The following MCAM variants were observed in gnomAD, a reference collection of about 807,000 sequenced individuals.
MCAM encodes the protein cell surface glycoprotein MUC18.
In MCAM, 55 loss-of-function variants were observed where a neutral mutation model predicts 79.1. The observed-to-expected ratio is 0.70, with a 90% confidence interval of 0.56 to 0.87. MCAM has a LOEUF of 0.87. Ranked by LOEUF, MCAM falls within the 40% of genes least tolerant of loss-of-function variation. MCAM has a pLI of 0.00. For missense variants in MCAM, 745 were observed against 839.8 expected, an observed-to-expected ratio of 0.89 and a Z score of 1.40; for synonymous variants, 330 against 339.8, an observed-to-expected ratio of 0.97 and a Z score of 0.32.
In MCAM at chr11:119,309,829, A is replaced by G. The variant is rs1950200691; in HGVS notation, c.*57T>C. On this transcript the variant is annotated 3_prime_UTR_variant, in exon 16 of 16. Coordinates refer to ENST00000264036, the MANE Select transcript of MCAM (RefSeq NM_006500.3). ...CTTTGGAGGCTTTGGCTGAGAGAAGAGTGAGCAGGGAGCTGGGAATGGTCC... is the reference window on the plus strand; with the variant it reads ...CTTTGGAGGCTTTGGCTGAGAGAAGGGTGAGCAGGGAGCTGGGAATGGTCC... The G allele has an allele frequency of 2.5e-5, 38 of 1,529,902 alleles. 1 individual carries two copies. The South Asian group carries it at 3.8e-4, about 15-fold the overall frequency. 94.8% of individuals were successfully genotyped at this position (1,529,902 alleles called of 1,614,324 possible).
Position 119,315,218 on chromosome 11 carries a change from A to G in MCAM, c.113T>C (p.Val38Ala), listed in dbSNP as rs1591287976. The part of the protein sequence containing the change: ...AEQPAPELVE[V>A]EVGSTALLKC... The stretch of plus-strand genomic sequence containing the variant: ...CAGAAGGGCTGTGCTGCCCACTTCC[A>G]CCTCCACCAGCTCAGGCGCAGGCTG... Residue 38 changes from valine to alanine, a missense_variant, in exon 2 of 16, where the codon GTG (valine) becomes GCG (alanine). By Grantham distance (64) the Val-to-Ala change is moderately conservative. Transcript: ENST00000264036. The surrounding 1 kb of genome is among the most constrained non-coding windows in gnomAD (Gnocchi z 4.4). The G allele has an allele frequency of 6.2e-7, 1 of 1,612,264 alleles. No homozygotes were observed. The highest frequency in any genetic ancestry group is 1.1e-5 in the South Asian group (1 of 91,034).
Position 119,315,403 on chromosome 11 carries a change from C to T in MCAM, c.68-140G>A. The T allele has an allele frequency of 3.6e-6, 4 of 1,121,944 alleles. No homozygotes were observed. Among genetic ancestry groups the T allele is most frequent in the East Asian group, 2.6e-5 (1 of 38,430 alleles). The allele number at this position is 1,121,944 out of a possible 1,614,324, so 69.5% of individuals were successfully genotyped here. On this transcript the variant is annotated intron_variant, in intron 1 of 15. Transcript: ENST00000264036. The surrounding 1 kb of genome is among the most constrained non-coding windows in gnomAD (Gnocchi z 4.4). ...CCCTGTCCTCTGAACGCTCTACCCC[C>T]ACCCCGACCCGCGCCCCACCTGGGC...
At position 119,316,726 on chromosome 11, in the gene MCAM, A is replaced by T. The variant is rs1298512728; in HGVS notation, c.67+309T>A. 2 of 335,502 alleles carry T rather than the reference A, an allele frequency of 6.0e-6. No homozygotes were observed. The highest frequency in any genetic ancestry group is 4.3e-5 in the African/African-American group (2 of 46,238). The allele number at this position is 335,502 out of a possible 1,614,324, so 20.8% of individuals were successfully genotyped here. ...CCCGGCTTCAATTGCGGGCCCCCAG[A>T]GTGAGCACCTCAGGGACCACCCACC... is the stretch of plus-strand genomic sequence containing the variant. On this transcript the variant is annotated intron_variant, in intron 1 of 15. Coordinates refer to ENST00000264036, the MANE Select transcript of MCAM (RefSeq NM_006500.3). This position sits in a 1 kb window ranked among gnomAD's most constrained non-coding sequence, Gnocchi z 4.8.
chr11:119,312,434 G>T lies in MCAM; in HGVS notation c.862-6C>A. ...GCCTCCCTGGTGCTGGGGTTCTAGG[G>T]AGGATTGGGGAGGTGAGCAGAGTGC... On this transcript the variant is annotated splice_polypyrimidine_tract_variant and splice_region_variant and intron_variant, in intron 7 of 15. Transcript: ENST00000264036. The surrounding 1 kb of genome is among the most constrained non-coding windows in gnomAD (Gnocchi z 4.9). 1.2e-6 allele frequency: 2 copies of T among 1,613,508 alleles called. No homozygotes were observed. The highest frequency in any genetic ancestry group is 2.2e-5 in the South Asian group (2 of 91,052).
chr11:119,314,168 T>G, intron 5 of MCAM: 1 of 493,192 alleles, frequency 2.0e-6, no homozygotes, highest in Non-Finnish European at 3.1e-6. Context: ...GGACAGCTCT[T>G]TTTAAGAGAT....
chr11:119,310,523 G>A, intron 14 of MCAM, 57 bp from the exon 15 acceptor site: 1 of 1,231,728 alleles, frequency 8.1e-7, no homozygotes, highest in Non-Finnish European at 1.2e-6. Context: ...GAAGAGAAGG[G>A]CCCGCTGTGA....
Position 119,314,847 on chromosome 11 carries a change from T to C in MCAM, c.386A>G (p.Gln129Arg). The C allele has an allele frequency of 6.2e-7, 1 of 1,613,712 alleles. No homozygotes were observed. Among genetic ancestry groups the C allele is most frequent in the South Asian group, 1.1e-5 (1 of 91,092 alleles). The change falls in exon 3 of 16, where the codon CAG (glutamine) becomes CGG (arginine). Residue 129 changes from glutamine (Q) to arginine (R), a missense_variant. By Grantham distance (43) the Gln-to-Arg change is conservative. Transcript: ENST00000264036. ...KRPRSQEYRI[Q>R]LRVYKAPEEP... ...GGGTCACGCACTGTAGACGCGGAGC[T>C]GGATGCGGTACTCCTGGGACCGAGG...
Position 119,315,333 on chromosome 11 carries a change from G to T in MCAM, c.68-70C>A. On this transcript the variant is annotated intron_variant, in intron 1 of 15. Coordinates refer to ENST00000264036, the MANE Select transcript of MCAM (RefSeq NM_006500.3). The surrounding 1 kb of genome is among the most constrained non-coding windows in gnomAD (Gnocchi z 4.4). ...TGCTGTCCGCCCCTCCCCTCGCAGCGCTGCTGCAGCTGTTTTTCCTGCCAC... is the reference window on the plus strand; with the variant it reads ...TGCTGTCCGCCCCTCCCCTCGCAGCTCTGCTGCAGCTGTTTTTCCTGCCAC... 6.6e-7 allele frequency: 1 copy of T among 1,522,194 alleles called. No individual in the cohort carries two copies. Among genetic ancestry groups the T allele is most frequent in the East Asian group, 2.4e-5 (1 of 41,096 alleles). 94.3% of individuals were successfully genotyped at this position (1,522,194 alleles called of 1,614,324 possible). A position where few individuals can be genotyped will look rare whatever the true frequency, so the allele number is the denominator to read the frequency against.
rs767744036 is a variant in MCAM at position 119,314,840 on chromosome 11, G to C, written c.393C>G (p.Arg131=). Residue 131 remains arginine (R), a synonymous_variant, in exon 3 of 16, where the codon CGC becomes CGG. Coordinates refer to ENST00000264036, the MANE Select transcript of MCAM (RefSeq NM_006500.3). ...PRSQEYRIQL[R]VYKAPEEPNI... ...AGACACAGGGTCACGCACTGTAGACGCGGAGCTGGATGCGGTACTCCTGGG... is the reference window on the plus strand; with the variant it reads ...AGACACAGGGTCACGCACTGTAGACCCGGAGCTGGATGCGGTACTCCTGGG... 10 of 1,613,700 alleles carry C rather than the reference G, an allele frequency of 6.2e-6. No homozygotes were observed. Among genetic ancestry groups the C allele is most frequent in the Non-Finnish European group, 8.5e-6 (10 of 1,180,012 alleles).
At chr11:119,313,191 T>A (rs1316114814) in intron 5 of MCAM, 12 of 1,480,696 alleles carry the variant, frequency 8.1e-6, no homozygotes, top group Non-Finnish European at 1.1e-5. Context: ...GCTGCAATGA[T>A]AAAAACGAGC....
Position 119,311,613 on chromosome 11 carries a change from C to G in MCAM, c.1324G>C (p.Val442Leu), listed in dbSNP as rs1012116958. ...WMAFKERKVW[V>L]KENMVLNLSC... ...AGATTCAACACCATATTCTCTTTCA[C>G]CCACACCTTCCTCTCCTTGAATGCC... The change falls in exon 11 of 16, where the codon GTG (valine) becomes CTG (leucine). Residue 442 changes from valine to leucine, a missense_variant. Transcript: ENST00000264036. The surrounding 1 kb of genome is among the most constrained non-coding windows in gnomAD (Gnocchi z 4.4). 1.2e-6 allele frequency: 2 copies of G among 1,614,168 alleles called. No individual in the cohort carries two copies. The highest frequency in any genetic ancestry group is 3.3e-5 in the Admixed American group (2 of 60,026).
In MCAM at chr11:119,314,817, A is replaced by G. The variant is rs1950286123; in HGVS notation, c.400+16T>C. ...ACCACCCTCACTACCCTGCTGGCAGACACAGGGTCACGCACTGTAGACGCG... is the reference window on the plus strand; with the variant it reads ...ACCACCCTCACTACCCTGCTGGCAGGCACAGGGTCACGCACTGTAGACGCG... On this transcript the variant is annotated intron_variant, in intron 3 of 15. Transcript: ENST00000264036. The G allele has an allele frequency of 6.2e-7, 1 of 1,613,276 alleles. No individual in the cohort carries two copies. The highest frequency in any genetic ancestry group is 1.1e-5 in the South Asian group (1 of 91,094).
At chr11:119,310,733 G>C in intron 14 of MCAM, 23 bp downstream of exon 14, 1 of 1,608,368 alleles carries the variant, frequency 6.2e-7, no homozygotes, top group Admixed American at 1.7e-5. Flanking sequence ...GGGCGGGGGC[G>C]GAGGGGCCGG....
chr11:119,315,246 C>A lies in MCAM; in HGVS notation c.85G>T (p.Glu29Ter). The A allele has an allele frequency of 6.2e-7, 1 of 1,610,944 alleles. No individual in the cohort carries two copies. Among genetic ancestry groups the A allele is most frequent in the South Asian group, 1.1e-5 (1 of 90,992 alleles). The change falls in exon 2 of 16, where the codon GAG (glutamate) becomes TAG (stop). Residue 29 changes from glutamate to a stop codon, truncating the protein, a stop_gained. Transcript: ENST00000264036. LOFTEE classifies it high-confidence loss of function. The surrounding 1 kb of genome is among the most constrained non-coding windows in gnomAD (Gnocchi z 4.4). ...PRVAGVPGEA[E>*]QPAPELVEVE... Reference sequence around the variant, plus strand: ...TCCACCAGCTCAGGCGCAGGCTGCTCAGCCTCTCCGGGCACACCTGGGGGA... The same window carrying A: ...TCCACCAGCTCAGGCGCAGGCTGCTAAGCCTCTCCGGGCACACCTGGGGGA...
intron 5 of MCAM, 119 bp downstream of exon 5, chr11:119,314,370 G>T: frequency 1.2e-6 from 1 of 867,142 alleles, no homozygotes; most frequent in Non-Finnish European, 1.9e-6. Flanking sequence ...TGTCCAAGGT[G>T]GTCCTGAACT....
Position 119,315,488 on chromosome 11 carries a change from G to T in MCAM, c.68-225C>A, listed in dbSNP as rs1300362529. 7.0e-6 allele frequency: 4 copies of T among 573,088 alleles called. No individual in the cohort carries two copies. The African/African-American group carries it at 7.5e-5, about 11-fold the overall frequency. 35.5% of individuals were successfully genotyped at this position (573,088 alleles called of 1,614,324 possible). A position where few individuals can be genotyped will look rare whatever the true frequency, so the allele number is the denominator to read the frequency against. On this transcript the variant is annotated intron_variant, in intron 1 of 15. Coordinates refer to ENST00000264036, the MANE Select transcript of MCAM (RefSeq NM_006500.3). The surrounding 1 kb of genome is among the most constrained non-coding windows in gnomAD (Gnocchi z 4.4). ...TGGAGCCAAGCAGAGATTGAGCAGA[G>T]ACTGAGCACCGAACAGCTCCAGCTG...
Position 119,309,574 on chromosome 11 carries a change from G to A in MCAM, c.*312C>T. The A allele has an allele frequency of 4.6e-6, 2 of 431,924 alleles. No individual in the cohort carries two copies. Among genetic ancestry groups the A allele is most frequent in the Non-Finnish European group, 8.4e-6 (2 of 237,398 alleles). The allele number at this position is 431,924 out of a possible 1,614,324, so 26.8% of individuals were successfully genotyped here. A position where few individuals can be genotyped will look rare whatever the true frequency, so the allele number is the denominator to read the frequency against. ...TGCTGGCAGGAGCCAGGTATTTACA[G>A]CCATAATGTGTGTAAAGAAAAAACA... On this transcript the variant is annotated 3_prime_UTR_variant, in exon 16 of 16. Coordinates refer to ENST00000264036, the MANE Select transcript of MCAM (RefSeq NM_006500.3).
At position 119,314,724 on chromosome 11, in the gene MCAM, C is replaced by T. The variant is rs1032989352; in HGVS notation, c.426G>A (p.Gln142=). Residue 142 remains glutamine, a synonymous_variant, in exon 4 of 16, where the codon CAG becomes CAA. Transcript: ENST00000264036. ...VYKAPEEPNI[Q]VNPLGIPVNS... is the part of the protein sequence containing the mutation. Reference sequence around the variant, plus strand: ...TCACAGGGATGCCCAGGGGGTTGACCTGGATGTTTGGCTCCTCCGGAGCTT... The same window carrying T: ...TCACAGGGATGCCCAGGGGGTTGACTTGGATGTTTGGCTCCTCCGGAGCTT... 6.2e-7 allele frequency: 1 copy of T among 1,613,970 alleles called. No homozygotes were observed. Among genetic ancestry groups the T allele is most frequent in the Non-Finnish European group, 8.5e-7 (1 of 1,179,998 alleles).
At position 119,310,862 on chromosome 11, in the gene MCAM, C is replaced by T. The variant is rs780438696; in HGVS notation, c.1687G>A (p.Val563Met). 7 of 1,614,094 alleles carry T rather than the reference C, an allele frequency of 4.3e-6. No individual in the cohort carries two copies. The highest frequency in any genetic ancestry group is 2.2e-5 in the East Asian group (1 of 44,892). Reference sequence around the variant, plus strand: ...ACCAGGATGCACACAATCACAGCCACGATGACCACGCCCCGGCTCTCCGGC... The same window carrying T: ...ACCAGGATGCACACAATCACAGCCATGATGACCACGCCCCGGCTCTCCGGC... ...PEPESRGVVIVAVIVCILVLA... is the reference protein window; with the variant it reads ...PEPESRGVVIMAVIVCILVLA... Residue 563 changes from valine to methionine, a missense_variant, in exon 14 of 16, where the codon GTG becomes ATG. Coordinates refer to ENST00000264036, the MANE Select transcript of MCAM (RefSeq NM_006500.3).
Sources: allele counts gnomAD v4.1 joint callset, GRCh38; gene constraint gnomAD v4.1.1; non-coding constraint Gnocchi (gnomAD v3.1); transcripts MANE v1.5; gene names NCBI Gene and HGNC (gene_info 2026-07-23, HGNC 2026-07-21).